Variants in DOCK7 observed in about 807,000 individuals in gnomAD.
The protein encoded by DOCK7 is dedicator of cytokinesis 7, also known as dedicator of cytokinesis protein 7.
Under a neutral mutation model 271.0 loss-of-function variants are expected in DOCK7, and 138 were observed. That is an observed-to-expected ratio of 0.51 (90% CI 0.44 to 0.59). The LOEUF is 0.59. Ranked by LOEUF, DOCK7 falls within the 20% of genes least tolerant of loss-of-function variation. DOCK7 has a pLI of 0.00. For missense variants in DOCK7, 2,066 were observed against 2,592.4 expected, an observed-to-expected ratio of 0.80 and a Z score of 4.41; for synonymous variants, 823 against 876.1, an observed-to-expected ratio of 0.94 and a Z score of 1.07.
At chr1:62,645,520 T>C (rs2149671956) in intron 7 of DOCK7, among the ~76,000 whole-genome samples, 1 of 152,110 alleles carries the variant, frequency 6.6e-6, no homozygotes, top group East Asian at 1.9e-4. Flanking sequence ...TGCCTACGGA[T>C]GGAGGAGTTG....
intron 22 of DOCK7, 100 bp from the exon 23 acceptor site, chr1:62,545,139 G>A: frequency 8.6e-7 from 1 of 1,163,118 alleles, no homozygotes; most frequent in Non-Finnish European, 1.2e-6. Context: ...ATGCAAACAT[G>A]TTTTTAATTA....
chr1:62,620,163 T>G (rs1484300984), intron 12 of DOCK7, among the ~76,000 whole-genome samples, 170 bp from the exon 13 acceptor site: 1 of 150,334 alleles, frequency 6.7e-6, no homozygotes. Context: ...CTACTAAAAA[T>G]ACAAAAAAAA....
At chr1:62,569,450 C>T (rs769439480) in intron 18 of DOCK7, among the ~76,000 whole-genome samples, 3 of 151,950 alleles carry the variant, frequency 2.0e-5, no homozygotes, top group Non-Finnish European at 4.4e-5. Context: ...AATCAATAAA[C>T]GTAATCCGTC....
In DOCK7 at chr1:62,555,835, T is replaced by C; in HGVS notation, c.2586A>G (p.Ser862=). The C allele has an allele frequency of 1.2e-6, 2 of 1,607,894 alleles. No homozygotes were observed. Among genetic ancestry groups the C allele is most frequent in the Admixed American group, 1.7e-5 (1 of 58,372 alleles). ...VFRLPNTYPN[S]SSPGPGGLGG... is the part of the protein sequence containing the mutation. ...AAAAGAATAAAATACCTGGTGATGATGAATTAGGGTAAGTATTTGGTAGGC... is the reference window on the plus strand; with the variant it reads ...AAAAGAATAAAATACCTGGTGATGACGAATTAGGGTAAGTATTTGGTAGGC... The change falls in exon 21 of 50, where the codon TCA becomes TCG. Residue 862 remains serine, a synonymous_variant. Transcript: ENST00000635253.
intron 12 of DOCK7, among the ~76,000 whole-genome samples, chr1:62,621,939 G>T (rs1426434599): frequency 1.3e-5 from 2 of 151,878 alleles, no homozygotes; most frequent in African/African-American, 4.8e-5. Flanking sequence ...TTCTCTTTCG[G>T]TACTTATTGG....
chr1:62,645,652 G>C (rs929729703), intron 7 of DOCK7, among the ~76,000 whole-genome samples: 1 of 152,166 alleles, frequency 6.6e-6, no homozygotes, highest in African/African-American at 2.4e-5. Context: ...CCACTGAATT[G>C]TATGCTTGGT....
At chr1:62,582,835 AACTG>A (rs1423191093) in intron 16 of DOCK7, among the ~76,000 whole-genome samples, 2 of 152,214 alleles carry the variant, frequency 1.3e-5, no homozygotes, top group Non-Finnish European at 2.9e-5. Flanking sequence ...TCACCAATTT[AACTG>A]ACTAATGTGT....
intron 25 of DOCK7, among the ~76,000 whole-genome samples, chr1:62,542,293 ACTGT>A (rs1384716019): frequency 6.6e-6 from 1 of 152,118 alleles, no homozygotes; most frequent in Non-Finnish European, 1.5e-5. Flanking sequence ...AATCTACAAT[ACTGT>A]CATTATACAC....
At chr1:62,680,541 A>C (rs1457197817) in intron 1 of DOCK7, among the ~76,000 whole-genome samples, 1 of 151,940 alleles carries the variant, frequency 6.6e-6, no homozygotes, top group Non-Finnish European at 1.5e-5. Context: ...GACAAATGGG[A>C]TCTAATTAAA....
In DOCK7 at chr1:62,505,677, C is replaced by A; in HGVS notation, c.4611+5G>T. 2 of 1,599,582 alleles carry A rather than the reference C, an allele frequency of 1.3e-6. No individual in the cohort carries two copies. Among genetic ancestry groups the A allele is most frequent in the Non-Finnish European group, 1.7e-6 (2 of 1,175,234 alleles). On this transcript the variant is annotated splice_donor_5th_base_variant and intron_variant, in intron 36 of 49. Transcript: ENST00000635253. ...TGACAACACTGCAGGTACAAAATAA[C>A]CTACCTTTGAAACCAAGGCTCTCTG...
intron 8 of DOCK7, chr1:62,635,801 G>C (rs891722230): frequency 7.9e-5 from 12 of 152,002 alleles, no homozygotes; most frequent in Non-Finnish European, 1.5e-4. Flanking sequence ...GGCCGGGCGG[G>C]GGGTGGTCTC....
At chr1:62,535,732 T>C in intron 28 of DOCK7, 100 bp from the exon 29 acceptor site, 1 of 1,224,520 alleles carries the variant, frequency 8.2e-7, no homozygotes, top group Non-Finnish European at 1.1e-6. Flanking sequence ...CCCAGGGTAG[T>C]TTATTTTATA....
chr1:62,615,481 C>T (rs1652326465), intron 14 of DOCK7, among the ~76,000 whole-genome samples: 1 of 151,718 alleles, frequency 6.6e-6, no homozygotes, highest in Non-Finnish European at 1.5e-5. Flanking sequence ...CAGGTTAAAG[C>T]ATTTTATATA....
At chr1:62,641,708 C>G in intron 7 of DOCK7, 1 of 324,152 alleles carries the variant, frequency 3.1e-6, no homozygotes, top group South Asian at 2.6e-5. Flanking sequence ...GCACCAGGGC[C>G]TTCCCCCTCC....
At chr1:62,501,554 T>C (rs571380289) in intron 37 of DOCK7, among the ~76,000 whole-genome samples, 27 of 152,176 alleles carry the variant, frequency 1.8e-4, no homozygotes, top group African/African-American at 5.8e-4. Flanking sequence ...GAAAAGAAAA[T>C]CAGCAATTTT....
At chr1:62,480,568 C>T (rs998900128) in intron 43 of DOCK7, among the ~76,000 whole-genome samples, 2 of 152,092 alleles carry the variant, frequency 1.3e-5, no homozygotes, top group African/African-American at 2.4e-5. Flanking sequence ...TCAAAATAAA[C>T]GGCCAAGTGG....
intron 35 of DOCK7, among the ~76,000 whole-genome samples, chr1:62,506,985 ATAGAG>A (rs1435466261): frequency 1.1e-5 from 1 of 87,970 alleles, no homozygotes; most frequent in African/African-American, 3.5e-5. Context: ...AATAAATAAA[ATAGAG>A]TAGAGTCAGG....
intron 19 of DOCK7, among the ~76,000 whole-genome samples, chr1:62,560,321 C>T (rs1035887860): frequency 3.3e-5 from 5 of 152,126 alleles, no homozygotes; most frequent in African/African-American, 1.2e-4. Flanking sequence ...ACATATTCTC[C>T]ATGGAAAATC....
At position 62,610,463 on chromosome 1, in the gene DOCK7, C is replaced by CTATTAT. The variant is rs199524312; in HGVS notation, c.1682+8237_1682+8242dup. Among the ~76,000 whole-genome samples, 9 of 151,010 alleles carry CTATTAT rather than the reference C, an allele frequency of 6.0e-5. No homozygotes were observed. In the South Asian group the frequency reaches 8.4e-4, roughly 14 times the overall value. ...TGTCATTAATAGAAACATACATTTA[C>CTATTAT]TATTATTATTATTATTATTATACTT... On this transcript the variant is annotated intron_variant, in intron 14 of 49. Coordinates refer to ENST00000635253, the MANE Select transcript of DOCK7 (RefSeq NM_001367561.1).
Sources: allele counts gnomAD v4.1 joint callset (sites outside exome capture counted in the v4.1 genomes callset), GRCh38; gene constraint gnomAD v4.1.1; transcripts MANE v1.5; gene names NCBI Gene and HGNC (gene_info 2026-07-23, HGNC 2026-07-21).